PDE11A: variants seen among roughly 807,000 people sequenced by gnomAD.
The protein encoded by PDE11A is dual 3',5'-cyclic-AMP and -GMP phosphodiesterase 11A.
Under a neutral mutation model 100.5 loss-of-function variants are expected in PDE11A, and 100 were observed. The observed-to-expected ratio is 1.00, with a 90% CI of 0.85 to 1.18. The LOEUF is 1.18. PDE11A is among the 50% of genes most tolerant of loss of function. The pLI, the probability that PDE11A is intolerant of heterozygous loss-of-function variation, is 0.00. For synonymous variants in PDE11A, 381 were observed against 420.8 expected (o/e 0.91, Z 1.16); for missense variants, 1,141 against 1,152.6 (o/e 0.99, Z 0.15).
intron 5 of PDE11A, among the ~76,000 whole-genome samples, chr2:177,870,240 C>G (rs1486833636): frequency 6.6e-6 from 1 of 152,094 alleles, no homozygotes; most frequent in African/African-American, 2.4e-5. Flanking sequence ...TTTCCAAAAA[C>G]AAATATTTTC....
At chr2:177,710,080 T>C (rs1253611135) in intron 13 of PDE11A, among the ~76,000 whole-genome samples, 1 of 150,890 alleles carries the variant, frequency 6.6e-6, no homozygotes, top group Non-Finnish European at 1.5e-5. Context: ...ATTAATAGGA[T>C]GCAGACAGCC....
chr2:178,041,012 TCA>T (rs2086676857), intron 1 of PDE11A, among the ~76,000 whole-genome samples: 1 of 152,084 alleles, frequency 6.6e-6, no homozygotes, highest in African/African-American at 2.4e-5. Flanking sequence ...CAATCATAGC[TCA>T]CTGCAAAATT....
chr2:177,743,515 T>A (rs1259493151), intron 10 of PDE11A, among the ~76,000 whole-genome samples: 1 of 152,150 alleles, frequency 6.6e-6, no homozygotes, highest in Non-Finnish European at 1.5e-5. Context: ...AACTCTCAGA[T>A]AAAAGGGTAC....
At chr2:177,759,645 A>G (rs1220833689) in intron 10 of PDE11A, among the ~76,000 whole-genome samples, 2 of 152,198 alleles carry the variant, frequency 1.3e-5, no homozygotes, top group East Asian at 1.9e-4. Context: ...TCAGACTGTA[A>G]GGAAGACAGG....
At chr2:177,702,603 A>G (rs1045253785) in intron 13 of PDE11A, 1 of 152,152 alleles carries the variant, frequency 6.6e-6, no homozygotes, top group African/African-American at 2.4e-5. Flanking sequence ...TGCAACATGA[A>G]GACTTTTGGT....
chr2:177,744,512 G>A (rs2081920210), intron 10 of PDE11A, among the ~76,000 whole-genome samples: 1 of 152,172 alleles, frequency 6.6e-6, no homozygotes, highest in Non-Finnish European at 1.5e-5. Context: ...TGAGGTGTAG[G>A]AGGTCAAGGG....
intron 10 of PDE11A, among the ~76,000 whole-genome samples, chr2:177,760,089 T>C (rs1294803168): frequency 6.6e-6 from 1 of 152,166 alleles, no homozygotes; most frequent in Non-Finnish European, 1.5e-5. Flanking sequence ...GACAAAACAT[T>C]GCAGAAGAAA....
intron 9 of PDE11A, among the ~76,000 whole-genome samples, chr2:177,779,221 G>A (rs2082419457): frequency 6.6e-6 from 1 of 152,192 alleles, no homozygotes; most frequent in African/African-American, 2.4e-5. Flanking sequence ...ATTATTGCTA[G>A]AAATGCTAAT....
intron 14 of PDE11A, among the ~76,000 whole-genome samples, chr2:177,697,933 T>C (rs988878500): frequency 1.3e-5 from 2 of 152,106 alleles, no homozygotes; most frequent in African/African-American, 2.4e-5. Context: ...GTTTTGACAA[T>C]GGGGAACTTT....
chr2:177,787,120 GT>G (rs2082548928), intron 9 of PDE11A, among the ~76,000 whole-genome samples: 1 of 143,388 alleles, frequency 7.0e-6, no homozygotes, highest in East Asian at 2.0e-4. Flanking sequence ...AGGAAAAAAT[GT>G]TAAGGGCAGC....
chr2:177,789,069 G>C (rs576492046), intron 9 of PDE11A, among the ~76,000 whole-genome samples: 1 of 152,074 alleles, frequency 6.6e-6, no homozygotes, highest in Non-Finnish European at 1.5e-5. Context: ...TACCAAAGCC[G>C]GGCAGAGACA....
At chr2:177,776,371 C>T (rs772313003) in intron 9 of PDE11A, among the ~76,000 whole-genome samples, 15 of 152,134 alleles carry the variant, frequency 9.9e-5, no homozygotes, top group South Asian at 4.1e-4. Context: ...GAAACAAATC[C>T]GGAAAACGCT....
chr2:177,836,410 A>G (rs545266949), intron 6 of PDE11A, among the ~76,000 whole-genome samples: 24 of 152,180 alleles, frequency 1.6e-4, no homozygotes, highest in Non-Finnish European at 2.9e-4. Context: ...TGCTGTGTCT[A>G]GCTAATCTGA....
chr2:177,769,347 T>A lies in PDE11A; in HGVS notation c.1764A>T (p.Ser588=). The A allele has an allele frequency of 6.3e-7, 1 of 1,599,164 alleles. No individual in the cohort carries two copies. Among genetic ancestry groups the A allele is most frequent in the Non-Finnish European group, 8.6e-7 (1 of 1,166,468 alleles). ...CCTTAAACTTGTCAACTTCAGCTTT[T>A]GAACATGTTGCATGGTATGATAGCA... ...LDVLSYHATC[S]KAEVDKFKAA... The change falls in exon 10 of 20, where the codon TCA becomes TCT. Residue 588 remains serine (S), a synonymous_variant. Coordinates refer to ENST00000286063, the MANE Select transcript of PDE11A (RefSeq NM_016953.4).
chr2:177,962,535 T>A (rs2085647679), intron 2 of PDE11A, among the ~76,000 whole-genome samples: 1 of 152,166 alleles, frequency 6.6e-6, no homozygotes, highest in Non-Finnish European at 1.5e-5. Flanking sequence ...GATTTTAAAA[T>A]TTTAAAGTGA....
At chr2:177,903,230 T>C (rs2695095) in intron 3 of PDE11A, among the ~76,000 whole-genome samples, 148,308 of 152,270 alleles carry the variant, frequency 0.97, 72,331 homozygotes, top group Middle Eastern at 1. Flanking sequence ...CAGACCTTTA[T>C]GTGGCTTTGC....
Position 177,629,289 on chromosome 2 carries a change from C to G in PDE11A, c.*118G>C. 1 of 917,990 alleles carries G rather than the reference C, an allele frequency of 1.1e-6. No homozygotes were observed. Among genetic ancestry groups the G allele is most frequent in the Non-Finnish European group, 1.8e-6 (1 of 550,044 alleles). 56.9% of individuals were successfully genotyped at this position (917,990 alleles called of 1,614,324 possible). On this transcript the variant is annotated 3_prime_UTR_variant, in exon 20 of 20. Coordinates refer to ENST00000286063, the MANE Select transcript of PDE11A (RefSeq NM_016953.4). ...AAGGTGAAAGCCCAGGCATGCTTCC[C>G]AGTGCATCCTTGAGATGTTAGGTCT...
At chr2:177,855,871 T>G (rs530369302) in intron 5 of PDE11A, among the ~76,000 whole-genome samples, 1 of 150,418 alleles carries the variant, frequency 6.6e-6, no homozygotes, top group Admixed American at 6.7e-5. Context: ...TTGAAAAGCT[T>G]GTACATATTC....
intron 10 of PDE11A, among the ~76,000 whole-genome samples, chr2:177,749,287 T>C (rs1261566285): frequency 6.6e-6 from 1 of 152,150 alleles, no homozygotes; most frequent in East Asian, 1.9e-4. Context: ...TCATAGTTCA[T>C]TGTAACCTCA....
Sources: allele counts gnomAD v4.1 joint callset (sites outside exome capture counted in the v4.1 genomes callset), GRCh38; gene constraint gnomAD v4.1.1; transcripts MANE v1.5; gene names NCBI Gene and HGNC (gene_info 2026-07-23, HGNC 2026-07-21).